Variants in CDNF observed in about 807,000 individuals in gnomAD.
The protein encoded by CDNF is cerebral dopamine neurotrophic factor.
Under a neutral mutation model 14.8 loss-of-function variants are expected in CDNF, and 9 were observed. That is an observed-to-expected ratio of 0.61 (90% confidence interval 0.37 to 1.06). The LOEUF (loss-of-function observed/expected upper bound fraction) is 1.06. Among genes scored for constraint, CDNF ranks in the 50% least tolerant of loss-of-function variants. The pLI is 0.01. For missense variants in CDNF, 228 were observed against 228.4 expected, an observed-to-expected ratio of 1.00 and a Z score of 0.01; for synonymous variants, 86 against 87.2, an observed-to-expected ratio of 0.99 and a Z score of 0.07.
At chr10:14,826,075 A>G (rs1327805705) in intron 2 of CDNF, among the ~76,000 whole-genome samples, 2 of 143,140 alleles carry the variant, frequency 1.4e-5, no homozygotes, top group Non-Finnish European at 3.0e-5. Flanking sequence ...AAGAAGAAGA[A>G]GAAGAAGAAG....
chr10:14,828,562 A>G (rs888407380), intron 1 of CDNF, among the ~76,000 whole-genome samples: 2 of 152,066 alleles, frequency 1.3e-5, no homozygotes, highest in Admixed American at 6.6e-5. Context: ...CAGGAGAATC[A>G]CTTGAACCCA....
intron 1 of CDNF, among the ~76,000 whole-genome samples, chr10:14,831,884 T>C (rs1401673564): frequency 2.0e-5 from 3 of 152,184 alleles, no homozygotes; most frequent in African/African-American, 7.2e-5. Context: ...CATATATTTT[T>C]ATTTCTAATG....
At chr10:14,820,268 G>A (rs142243251) in intron 3 of CDNF, 110 bp from the exon 4 acceptor site, 1 of 1,052,512 alleles carries the variant, frequency 9.5e-7, no homozygotes, top group Non-Finnish European at 1.4e-6. Context: ...ACTACCCTAT[G>A]ATCCAAGGCA....
At chr10:14,826,635 A>G (rs960841769) in intron 2 of CDNF, among the ~76,000 whole-genome samples, 2 of 152,218 alleles carry the variant, frequency 1.3e-5, no homozygotes, top group South Asian at 4.1e-4. Flanking sequence ...TACAATTCAC[A>G]TGGTGTTAAA....
intron 2 of CDNF, 63 bp downstream of exon 2, chr10:14,828,082 A>G: frequency 5.2e-6 from 8 of 1,552,516 alleles, no homozygotes; most frequent in Non-Finnish European, 5.3e-6. Context: ...ACGTCTAAGA[A>G]ATGAAACTAT....
chr10:14,833,056 C>T (rs548545329), intron 1 of CDNF, among the ~76,000 whole-genome samples: 12 of 151,630 alleles, frequency 7.9e-5, no homozygotes, highest in Admixed American at 2.0e-4. Flanking sequence ...GATGGGGTTT[C>T]GTTATGTTTG....
chr10:14,837,990 G>A lies in CDNF; in HGVS notation c.-44C>T, dbSNP rs1019026869. On this transcript the variant is annotated 5_prime_UTR_variant, in exon 1 of 4. Transcript: ENST00000465530. Reference sequence around the variant, plus strand: ...ATCGCCTCCGCCACCCGCGCCCACCGCCCACCAAGCTGCCAAAGCGAGCTG... The same window carrying A: ...ATCGCCTCCGCCACCCGCGCCCACCACCCACCAAGCTGCCAAAGCGAGCTG... 1.4e-6 allele frequency: 2 copies of A among 1,421,410 alleles called. No individual in the cohort carries two copies. The highest frequency in any genetic ancestry group is 1.9e-6 in the Non-Finnish European group (2 of 1,033,620). 88.0% of individuals were successfully genotyped at this position (1,421,410 alleles called of 1,614,324 possible).
rs930877097 is a variant in CDNF at position 14,819,671 on chromosome 10, T to C, written c.*309A>G. 2 of 222,244 alleles carry C rather than the reference T, an allele frequency of 9.0e-6. No homozygotes were observed. The highest frequency in any genetic ancestry group is 1.7e-5 in the Non-Finnish European group (2 of 114,676). 13.8% of individuals were successfully genotyped at this position (222,244 alleles called of 1,614,324 possible). On this transcript the variant is annotated 3_prime_UTR_variant, in exon 4 of 4. Coordinates refer to ENST00000465530, the MANE Select transcript of CDNF (RefSeq NM_001029954.3). ...AGTCTCTGAATGCCTTCTTCTTTCT[T>C]GGAATCAATTTACTCCATCAATTTG...
chr10:14,827,187 T>C (rs1833806529), intron 2 of CDNF, among the ~76,000 whole-genome samples: 1 of 151,382 alleles, frequency 6.6e-6, no homozygotes, highest in Non-Finnish European at 1.5e-5. Flanking sequence ...TGAGGAAAGA[T>C]CACTGGGACG....
At chr10:14,827,041 C>A (rs1029332923) in intron 2 of CDNF, among the ~76,000 whole-genome samples, 12 of 145,078 alleles carry the variant, frequency 8.3e-5, no homozygotes, top group Non-Finnish European at 1.8e-4. Context: ...CAAGGCCAAA[C>A]CCCGTCTCTA....
intron 1 of CDNF, among the ~76,000 whole-genome samples, chr10:14,836,845 C>T (rs1460017647): frequency 6.6e-6 from 1 of 152,120 alleles, no homozygotes; most frequent in East Asian, 1.9e-4. Context: ...GCAGGAGAAT[C>T]GCTGGAACCC....
intron 1 of CDNF, among the ~76,000 whole-genome samples, chr10:14,835,856 C>T (rs977544760): frequency 6.6e-6 from 1 of 152,080 alleles, no homozygotes; most frequent in Non-Finnish European, 1.5e-5. Context: ...AGAGTAGGGG[C>T]GGCAAACTAC....
intron 1 of CDNF, among the ~76,000 whole-genome samples, chr10:14,830,919 A>G (rs571637678): frequency 6.6e-6 from 1 of 152,300 alleles, no homozygotes; most frequent in East Asian, 1.9e-4. Flanking sequence ...TCTACTTAAA[A>G]TCACTTTCAA....
chr10:14,826,058 G>T (rs1048211551), intron 2 of CDNF, among the ~76,000 whole-genome samples: 1 of 135,198 alleles, frequency 7.4e-6, no homozygotes, highest in African/African-American at 3.0e-5. Context: ...AGAAGAAGAA[G>T]AAGAAGAAGA....
chr10:14,836,557 A>G (rs1833889025), intron 1 of CDNF, among the ~76,000 whole-genome samples: 1 of 152,264 alleles, frequency 6.6e-6, no homozygotes, highest in Non-Finnish European at 1.5e-5. Context: ...CTTTATATCG[A>G]GTAATAACAT....
At position 14,820,073 on chromosome 10, in the gene CDNF, C is replaced by T; in HGVS notation, c.471G>A (p.Glu157=). 1 of 1,614,174 alleles carries T rather than the reference C, an allele frequency of 6.2e-7. No individual in the cohort carries two copies. The highest frequency in any genetic ancestry group is 8.5e-7 in the Non-Finnish European group (1 of 1,180,026). Reference sequence around the variant, plus strand: ...CAGTTTTTTCTGCACAGGCCCTGCACTCCTCCCCCCAGCTATGCAGGATCT... The same window carrying T: ...CAGTTTTTTCTGCACAGGCCCTGCATTCCTCCCCCCAGCTATGCAGGATCT... ...LKQILHSWGE[E]CRACAEKTDY... Residue 157 remains glutamate, a synonymous_variant, in exon 4 of 4, where the codon GAG becomes GAA. Transcript: ENST00000465530.
intron 1 of CDNF, among the ~76,000 whole-genome samples, chr10:14,835,116 GTTT>G (rs963055672): frequency 1.5e-4 from 23 of 152,244 alleles, no homozygotes; most frequent in African/African-American, 5.5e-4. Context: ...GATGACTTTG[GTTT>G]TTTGACTGTG....
At position 14,826,029 on chromosome 10, in the gene CDNF, G is replaced by GAGAAGAAGAAGAAGAAGAAGAAGAAGA. The variant is rs57619992; in HGVS notation, c.244-436_244-410dup. On this transcript the variant is annotated intron_variant, in intron 2 of 3. Coordinates refer to ENST00000465530, the MANE Select transcript of CDNF (RefSeq NM_001029954.3). ...GAAGCAGAAGCAGAAGAAGAAGAAGGAGAAGAAGAAGAAGAAGAAGAAGAA... is the reference window on the plus strand; with the variant it reads ...GAAGCAGAAGCAGAAGAAGAAGAAGGAGAAGAAGAAGAAGAAGAAGAAGAAGAAGAAGAAGAAGAAGAAGAAGAAGAA... Among the ~76,000 whole-genome samples the GAGAAGAAGAAGAAGAAGAAGAAGAAGA allele has an allele frequency of 3.2e-4, 28 of 86,206 alleles. 1 individual carries two copies. The highest frequency in any genetic ancestry group is 7.2e-4 in the East Asian group (2 of 2,792). 56.6% of individuals were successfully genotyped at this position (86,206 alleles called of 152,430 possible).
At position 14,819,970 on chromosome 10, in the gene CDNF, G is replaced by A; in HGVS notation, c.*10C>T. 3 of 1,609,740 alleles carry A rather than the reference G, an allele frequency of 1.9e-6. No homozygotes were observed. The highest frequency in any genetic ancestry group is 1.1e-5 in the South Asian group (1 of 90,422). ...CTAATTACAAGTCACAAATGTGCTG[G>A]CATTGGAGATCAGAGCTCTGTTTTG... On this transcript the variant is annotated 3_prime_UTR_variant, in exon 4 of 4. Transcript: ENST00000465530.
Sources: allele counts gnomAD v4.1 joint callset (sites outside exome capture counted in the v4.1 genomes callset), GRCh38; gene constraint gnomAD v4.1.1; transcripts MANE v1.5; gene names NCBI Gene and HGNC (gene_info 2026-07-23, HGNC 2026-07-21).